HHIP: variants seen among roughly 807,000 people sequenced by gnomAD.
HHIP encodes the protein hedgehog-interacting protein.
HHIP carries 12 observed loss-of-function variants against 74.0 expected under a neutral mutation model. The ratio of observed to expected loss-of-function variants is 0.16; its 90% CI spans 0.10 to 0.26. The LOEUF (loss-of-function observed/expected upper bound fraction) is 0.26, where lower values mean the gene tolerates loss of function less well. Ranked by LOEUF, HHIP falls within the 10% of genes least tolerant of loss-of-function variation. The probability of loss-of-function intolerance (pLI) is 1.00; values close to 1 mark genes in which losing one functional copy is unlikely to be tolerated. For synonymous variants in HHIP, 309 were observed against 311.6 expected, an observed-to-expected ratio of 0.99 and a Z score of 0.09; for missense variants, 788 against 845.0, an observed-to-expected ratio of 0.93 and a Z score of 0.84.
In HHIP at chr4:144,696,123, G is replaced by A. The variant is rs578146025; in HGVS notation, c.832-10408G>A. ...AATAGTTATATCTTCAATTTGAATA[G>A]CACTTTAGAGCTCATTAAGTAATTT... On this transcript the variant is annotated intron_variant, in intron 4 of 12. Transcript: ENST00000296575. Among the ~76,000 whole-genome samples the A allele has an allele frequency of 1.3e-4, 19 of 151,930 alleles. No individual in the cohort carries two copies. The South Asian group carries it at 3.9e-3, about 31-fold the overall frequency.
intron 4 of HHIP, among the ~76,000 whole-genome samples, chr4:144,674,549 T>C (rs1729125385): frequency 6.6e-6 from 1 of 152,182 alleles, no homozygotes; most frequent in Non-Finnish European, 1.5e-5. Flanking sequence ...TTTTGGTAAA[T>C]GTATTATCCT....
chr4:144,651,148 T>G (rs1484717865), intron 1 of HHIP, among the ~76,000 whole-genome samples: 1 of 152,150 alleles, frequency 6.6e-6, no homozygotes, highest in Non-Finnish European at 1.5e-5. Context: ...TAAAAGGCAT[T>G]TAAAACATTC....
chr4:144,701,446 T>A (rs1422012456), intron 4 of HHIP, among the ~76,000 whole-genome samples: 1 of 152,084 alleles, frequency 6.6e-6, no homozygotes, highest in African/African-American at 2.4e-5. Context: ...TTTTTGACCA[T>A]GCACATTTCT....
In HHIP at chr4:144,652,774, A is replaced by G. The variant is rs1309204022; in HGVS notation, c.449A>G (p.Tyr150Cys). 2 of 1,597,918 alleles carry G rather than the reference A, an allele frequency of 1.3e-6. No individual in the cohort carries two copies. The highest frequency in any genetic ancestry group is 1.7e-6 in the Non-Finnish European group (2 of 1,175,576). The change falls in exon 2 of 13, where the codon TAC (tyrosine) becomes TGC (cysteine). Residue 150 changes from tyrosine (Y) to cysteine (C), a missense_variant. Physicochemically the swap from Tyr to Cys is radical, Grantham distance 194. Coordinates refer to ENST00000296575, the MANE Select transcript of HHIP (RefSeq NM_022475.3). ...AAAGACTATTGCAAAGAATTCTTTT[A>G]CACTTGCCGAGGCCATATTCCAGGT... ...LCKDYCKEFF[Y>C]TCRGHIPGFL...
chr4:144,682,699 C>G (rs1314208478), intron 4 of HHIP, among the ~76,000 whole-genome samples: 3 of 152,192 alleles, frequency 2.0e-5, no homozygotes, highest in African/African-American at 7.2e-5. Flanking sequence ...ATGTGTCAAA[C>G]AAAATACAGA....
At chr4:144,658,756 G>A (rs1728617338) in intron 2 of HHIP, 34 bp from the exon 3 acceptor site, 2 of 1,565,682 alleles carry the variant, frequency 1.3e-6, no homozygotes, top group Non-Finnish European at 1.7e-6. Flanking sequence ...ATGACATTAG[G>A]TGCTTCTAAT....
At chr4:144,658,681 A>C (rs761404987) in intron 2 of HHIP, 109 bp from the exon 3 acceptor site, 1 of 836,164 alleles carries the variant, frequency 1.2e-6, no homozygotes, top group African/African-American at 1.7e-5. Context: ...TCTTCCTAAA[A>C]TATCCACCTA....
chr4:144,728,190 C>G (rs1277752381), intron 11 of HHIP, among the ~76,000 whole-genome samples: 1 of 152,166 alleles, frequency 6.6e-6, no homozygotes, highest in African/African-American at 2.4e-5. Flanking sequence ...ACTGCTTTTG[C>G]CTCCTTTGAA....
In HHIP at chr4:144,715,373, G is replaced by A. The variant is rs202053843; in HGVS notation, c.1621G>A (p.Gly541Arg). 2 of 1,613,492 alleles carry A rather than the reference G, an allele frequency of 1.2e-6. No individual in the cohort carries two copies. The highest frequency in any genetic ancestry group is 1.7e-6 in the Non-Finnish European group (2 of 1,179,542). ...AAAACCACTCTGTCTCGGCACTAGT[G>A]GGTCCTGTAGAGGCTACTTTTCCGG... ...QEKPLCLGTS[G>R]SCRGYFSGHI... The change falls in exon 10 of 13, where the codon GGG becomes AGG. Residue 541 changes from glycine to arginine, a missense_variant. Physicochemically the swap from Gly to Arg is moderately radical, Grantham distance 125. Coordinates refer to ENST00000296575, the MANE Select transcript of HHIP (RefSeq NM_022475.3).
Position 144,714,304 on chromosome 4 carries a change from G to T in HHIP, c.1503G>T (p.Gln501His). Residue 501 changes from glutamine (Q) to histidine (H), a missense_variant, in exon 9 of 13, where the codon CAG becomes CAT. Coordinates refer to ENST00000296575, the MANE Select transcript of HHIP (RefSeq NM_022475.3). ...LVGGFVYRGC[Q>H]SERLYGSYVF... ...GTGGATTTGTATACCGGGGCTGCCAGTCAGAAAGATTGTATGGAAGCTACG... is the reference window on the plus strand; with the variant it reads ...GTGGATTTGTATACCGGGGCTGCCATTCAGAAAGATTGTATGGAAGCTACG... 6.2e-7 allele frequency: 1 copy of T among 1,613,456 alleles called. No individual in the cohort carries two copies. The highest frequency in any genetic ancestry group is 1.3e-5 in the African/African-American group (1 of 74,994).
chr4:144,655,922 C>A (rs1290391183), intron 2 of HHIP, among the ~76,000 whole-genome samples: 1 of 151,882 alleles, frequency 6.6e-6, no homozygotes, highest in Non-Finnish European at 1.5e-5. Flanking sequence ...GGCTCATGAT[C>A]CAGCAGAATA....
At chr4:144,706,510 G>A (rs1730150394) in intron 4 of HHIP, 21 bp from the exon 5 acceptor site, 1 of 1,573,190 alleles carries the variant, frequency 6.4e-7, no homozygotes, top group Non-Finnish European at 8.6e-7. Context: ...ACAATTCTTT[G>A]TGTTTTTCAT....
Position 144,646,557 on chromosome 4 carries a change from T to A in HHIP, c.-119T>A, listed in dbSNP as rs549209647. 3.0e-6 allele frequency: 3 copies of A among 999,182 alleles called. No individual in the cohort carries two copies. In the East Asian group the frequency reaches 7.2e-5, roughly 24 times the overall value. 61.9% of individuals were successfully genotyped at this position (999,182 alleles called of 1,614,324 possible). On this transcript the variant is annotated 5_prime_UTR_variant, in exon 1 of 13. It introduces an in-frame stop codon into an upstream open reading frame of the 5' UTR. Coordinates refer to ENST00000296575, the MANE Select transcript of HHIP (RefSeq NM_022475.3). ...TTTTTGTCCCCGCCACCTCCCTCTG[T>A]CTCTGGAGTGCCCTACAGCCCCGCA...
chr4:144,688,020 G>GATATATA, intron 4 of HHIP, among the ~76,000 whole-genome samples: 1 of 151,818 alleles, frequency 6.6e-6, no homozygotes, highest in South Asian at 2.1e-4. Context: ...CTAGCAACTG[G>GATATATA]TCGAACCAGG....
intron 11 of HHIP, among the ~76,000 whole-genome samples, chr4:144,727,302 G>T (rs571820349): frequency 8.5e-5 from 13 of 152,090 alleles, no homozygotes; most frequent in Non-Finnish European, 1.6e-4. Flanking sequence ...GCATCATGGG[G>T]GCTCTATCTT....
chr4:144,648,456 C>G (rs1289384008), intron 1 of HHIP: 1 of 152,100 alleles, frequency 6.6e-6, no homozygotes. Flanking sequence ...TTATTCTTAC[C>G]ATATGCAGCA....
chr4:144,697,862 G>A (rs1348794205), intron 4 of HHIP, among the ~76,000 whole-genome samples: 1 of 151,990 alleles, frequency 6.6e-6, no homozygotes, highest in East Asian at 1.9e-4. Context: ...CTAGAAAATA[G>A]CCACTTCCAA....
chr4:144,681,854 C>G (rs1377082845), intron 4 of HHIP, among the ~76,000 whole-genome samples: 1 of 152,138 alleles, frequency 6.6e-6, no homozygotes, highest in Non-Finnish European at 1.5e-5. Flanking sequence ...TTCTGAGCAT[C>G]AAAGAAGATA....
intron 2 of HHIP, among the ~76,000 whole-genome samples, chr4:144,653,797 A>T (rs1728489464): frequency 6.6e-6 from 1 of 152,158 alleles, no homozygotes; most frequent in Admixed American, 6.5e-5. Flanking sequence ...CTTATAGAAC[A>T]TTTTGACTAG....
Sources: allele counts gnomAD v4.1 joint callset (sites outside exome capture counted in the v4.1 genomes callset), GRCh38; gene constraint gnomAD v4.1.1; transcripts MANE v1.5; gene names NCBI Gene and HGNC (gene_info 2026-07-23, HGNC 2026-07-21).